Variants in TBCA observed in about 807,000 individuals in gnomAD.
TBCA encodes the protein tubulin-specific chaperone A.
TBCA carries 6 observed loss-of-function variants against 15.8 expected under a neutral mutation model. That is an observed-to-expected ratio of 0.38 (90% CI 0.21 to 0.75). TBCA has a LOEUF of 0.75. Ranked by LOEUF, TBCA falls within the 30% of genes least tolerant of loss-of-function variation. The probability of loss-of-function intolerance (pLI) is 0.46; values close to 1 mark genes in which losing one functional copy is unlikely to be tolerated. For missense variants in TBCA, 90 were observed against 131.2 expected (o/e 0.69, Z 1.53); for synonymous variants, 32 against 42.3 (o/e 0.76, Z 0.94).
rs571782763 is a variant in TBCA at position 77,730,764 on chromosome 5, T to C, written c.54-22417A>G. Among the ~76,000 whole-genome samples, 4 of 152,206 alleles carry C rather than the reference T, an allele frequency of 2.6e-5. No homozygotes were observed. In the South Asian group the frequency reaches 8.3e-4, roughly 32 times the overall value. Reference sequence around the variant, plus strand: ...CCAATATTTACCAAATGCTATGATATGCCAAGCAGTGGGCAACTAACAAAA... The same window carrying C: ...CCAATATTTACCAAATGCTATGATACGCCAAGCAGTGGGCAACTAACAAAA... On this transcript the variant is annotated intron_variant, in intron 1 of 3. Coordinates refer to ENST00000380377, the MANE Select transcript of TBCA (RefSeq NM_004607.3).
chr5:77,749,691 A>C (rs574295254), intron 1 of TBCA, among the ~76,000 whole-genome samples: 4 of 152,314 alleles, frequency 2.6e-5, no homozygotes, highest in African/African-American at 9.6e-5. Flanking sequence ...GTACCCTTTA[A>C]GCCGGCAATT....
chr5:77,756,021 CAA>C (rs78531341), intron 1 of TBCA, among the ~76,000 whole-genome samples: 1 of 151,330 alleles, frequency 6.6e-6, no homozygotes, highest in South Asian at 2.1e-4. Flanking sequence ...ACAACAACAA[CAA>C]AAAAAAAAAC....
chr5:77,693,146 AG>A, intron 3 of TBCA, 119 bp downstream of exon 3: 1 of 1,532,168 alleles, frequency 6.5e-7, no homozygotes, highest in Non-Finnish European at 8.7e-7. Flanking sequence ...AGCGGTATAA[AG>A]GGCAAGTGAA....
At chr5:77,771,839 A>G (rs1747922081) in intron 1 of TBCA, among the ~76,000 whole-genome samples, 1 of 152,210 alleles carries the variant, frequency 6.6e-6, no homozygotes, top group Non-Finnish European at 1.5e-5. Flanking sequence ...CACCCTTTCT[A>G]GTATAGCCTA....
chr5:77,723,831 T>C (rs1746574763), intron 1 of TBCA, among the ~76,000 whole-genome samples: 1 of 152,036 alleles, frequency 6.6e-6, no homozygotes, highest in Non-Finnish European at 1.5e-5. Flanking sequence ...GAGAATATGA[T>C]TTATGATTAG....
At chr5:77,710,676 G>A (rs1400361072) in intron 1 of TBCA, among the ~76,000 whole-genome samples, 1 of 152,196 alleles carries the variant, frequency 6.6e-6, no homozygotes, top group Non-Finnish European at 1.5e-5. Context: ...AGTAGTGGCT[G>A]TTGTCTCCTA....
At chr5:77,763,238 C>T (rs1305723610) in intron 1 of TBCA, among the ~76,000 whole-genome samples, 10 of 151,052 alleles carry the variant, frequency 6.6e-5, no homozygotes, top group Middle Eastern at 3.4e-3. Flanking sequence ...AGCAAGACTC[C>T]GTCTCAAAAA....
chr5:77,754,613 T>C (rs994882163), intron 1 of TBCA, among the ~76,000 whole-genome samples: 2 of 152,206 alleles, frequency 1.3e-5, no homozygotes, highest in African/African-American at 2.4e-5. Context: ...TTTTGGGTGA[T>C]TACCTAAGTA....
intron 1 of TBCA, chr5:77,715,369 C>A: frequency 2.9e-6 from 2 of 684,542 alleles, no homozygotes; most frequent in Non-Finnish European, 2.6e-6. Flanking sequence ...GCCTGAAAAA[C>A]AATCAGTCTA....
chr5:77,764,565 G>GA (rs986905773), intron 1 of TBCA, among the ~76,000 whole-genome samples: 7 of 151,740 alleles, frequency 4.6e-5, no homozygotes, highest in African/African-American at 7.3e-5. Flanking sequence ...GCAATATTCA[G>GA]AAAAAAAACT....
At chr5:77,757,205 T>C (rs1470500644) in intron 1 of TBCA, among the ~76,000 whole-genome samples, 1 of 151,966 alleles carries the variant, frequency 6.6e-6, no homozygotes, top group Non-Finnish European at 1.5e-5. Flanking sequence ...CAACAAAAAA[T>C]CCAACAATAT....
chr5:77,722,201 G>C (rs1051032525), intron 1 of TBCA, among the ~76,000 whole-genome samples: 1 of 151,884 alleles, frequency 6.6e-6, no homozygotes, highest in East Asian at 1.9e-4. Context: ...TCCTTTTTCT[G>C]GTCAACCTAA....
intron 2 of TBCA, among the ~76,000 whole-genome samples, chr5:77,704,172 C>G (rs1746091526): frequency 6.6e-6 from 1 of 152,120 alleles, no homozygotes; most frequent in South Asian, 2.1e-4. Flanking sequence ...TGCAAACAAG[C>G]TAGCCCCAGG....
intron 1 of TBCA, among the ~76,000 whole-genome samples, chr5:77,739,381 A>T (rs1337889701): frequency 2.0e-5 from 3 of 152,158 alleles, no homozygotes; most frequent in African/African-American, 7.2e-5. Context: ...GCGTCGCTTG[A>T]ACCTAGGAAG....
chr5:77,691,456 C>T lies in TBCA; in HGVS notation c.289G>A (p.Ala97Thr). Residue 97 changes from alanine to threonine, a missense_variant, in exon 4 of 4, where the codon GCA becomes ACA. Coordinates refer to ENST00000380377, the MANE Select transcript of TBCA (RefSeq NM_004607.3). The stretch of plus-strand genomic sequence containing the variant: ...TTCACTGAATCCAGTACTAAACGTG[C>T]TTCTTTATATTCCTCAGCTTCTTCC... ...DLEEAEEYKEARLVLDSVKLE... is the reference protein window; with the variant it reads ...DLEEAEEYKETRLVLDSVKLE... 6.3e-7 allele frequency: 1 copy of T among 1,596,678 alleles called. No individual in the cohort carries two copies. The highest frequency in any genetic ancestry group is 1.2e-5 in the South Asian group (1 of 86,524).
At chr5:77,756,410 G>C (rs918339514) in intron 1 of TBCA, among the ~76,000 whole-genome samples, 9 of 152,144 alleles carry the variant, frequency 5.9e-5, no homozygotes, top group Non-Finnish European at 2.9e-5. Flanking sequence ...GTCACTCAGA[G>C]GCACCTTCTG....
chr5:77,732,885 C>G (rs1183702907), intron 1 of TBCA, among the ~76,000 whole-genome samples: 2 of 152,130 alleles, frequency 1.3e-5, no homozygotes, highest in Admixed American at 1.3e-4. Context: ...CTCTCTACTC[C>G]CTGAGACACA....
intron 1 of TBCA, among the ~76,000 whole-genome samples, chr5:77,711,905 A>T (rs1221350822): frequency 6.6e-6 from 1 of 152,156 alleles, no homozygotes; most frequent in African/African-American, 2.4e-5. Flanking sequence ...GTTTTTGCTT[A>T]AAAAGTCATA....
intron 1 of TBCA, among the ~76,000 whole-genome samples, chr5:77,772,447 C>A (rs1747937696): frequency 6.6e-6 from 1 of 151,852 alleles, no homozygotes; most frequent in Non-Finnish European, 1.5e-5. Context: ...GCACGTTCAG[C>A]ACATGTATCC....
Sources: allele counts gnomAD v4.1 joint callset (sites outside exome capture counted in the v4.1 genomes callset), GRCh38; gene constraint gnomAD v4.1.1; transcripts MANE v1.5; gene names NCBI Gene and HGNC (gene_info 2026-07-23, HGNC 2026-07-21).